SGTB: variants seen among roughly 807,000 people sequenced by gnomAD.
SGTB encodes small glutamine rich tetratricopeptide repeat co-chaperone beta.
SGTB carries 19 observed loss-of-function variants against 43.9 expected under a neutral mutation model. That is an observed-to-expected ratio of 0.43 (90% CI 0.30 to 0.63). The LOEUF (loss-of-function observed/expected upper bound fraction) is 0.63. Among genes scored for constraint, SGTB ranks in the 30% least tolerant of loss-of-function variants. The pLI, the probability that SGTB is intolerant of heterozygous loss-of-function variation, is 0.12. For synonymous variants in SGTB, 116 were observed against 117.3 expected (o/e 0.99, Z 0.07); for missense variants, 304 against 358.9 (o/e 0.85, Z 1.24).
chr5:65,720,081 CT>C (rs11312137), intron 2 of SGTB, among the ~76,000 whole-genome samples: 32,852 of 124,816 alleles, frequency 0.26, 3,070 homozygotes, highest in South Asian at 0.34. Context: ...TTTTCTTTTT[CT>C]TTTTTTTTTT....
At position 65,667,787 on chromosome 5, in the gene SGTB, G is replaced by A. The variant is rs1236664226; in HGVS notation, c.*2459C>T. 5 of 152,078 alleles carry A rather than the reference G, an allele frequency of 3.3e-5. No individual in the cohort carries two copies. Among genetic ancestry groups the A allele is most frequent in the African/African-American group, 1.2e-4 (5 of 41,396 alleles). The allele number at this position is 152,078 out of a possible 1,614,324, so 9.4% of individuals were successfully genotyped here. A position where few individuals can be genotyped will look rare whatever the true frequency, so the allele number is the denominator to read the frequency against. On this transcript the variant is annotated 3_prime_UTR_variant, in exon 11 of 11. Coordinates refer to ENST00000381007, the MANE Select transcript of SGTB (RefSeq NM_019072.3). Reference sequence around the variant, plus strand: ...CCTAGGCCTTATTACAGGACCTACTGTATCAGAATTGAACACGTGGCCCTG... The same window carrying A: ...CCTAGGCCTTATTACAGGACCTACTATATCAGAATTGAACACGTGGCCCTG...
chr5:65,680,867 C>T (rs556941430), intron 6 of SGTB, 73 bp from the exon 7 acceptor site: 12 of 1,463,050 alleles, frequency 8.2e-6, no homozygotes, highest in African/African-American at 4.2e-5. Flanking sequence ...CATCGTCAAA[C>T]GTCTGTCTGT....
At chr5:65,722,308 C>T (rs1758323386), upstream of SGTB, 7 of 1,377,746 alleles carry the variant, frequency 5.1e-6, no homozygotes, top group South Asian at 5.3e-5. Flanking sequence ...CCAGGCGCTG[C>T]CGCCCGCCTC....
chr5:65,722,155 G>A, upstream of SGTB: 1 of 226,084 alleles, frequency 4.4e-6, no homozygotes, highest in Non-Finnish European at 8.5e-6. Flanking sequence ...GGGCTGGGGC[G>A]GGGCCAGACA....
intron 1 of SGTB, 65 bp downstream of exon 1, chr5:65,721,852 G>C (rs553632149): frequency 6.6e-6 from 1 of 152,334 alleles, no homozygotes; most frequent in African/African-American, 2.4e-5. Flanking sequence ...TGTGCAGCGG[G>C]TGCCGGTGCG....
Position 65,666,584 on chromosome 5 carries a change from A to AT in SGTB, c.*3661dup, listed in dbSNP as rs1412913305. ...AGACAAGCAAGAAAATATATGGGGC[A>AT]TTTTTTATAAATTTAAAAGTAGCTA... On this transcript the variant is annotated 3_prime_UTR_variant, in exon 11 of 11. Transcript: ENST00000381007. 1 of 152,180 alleles carries AT rather than the reference A, an allele frequency of 6.6e-6. No homozygotes were observed. Among genetic ancestry groups the AT allele is most frequent in the South Asian group, 2.1e-4 (1 of 4,836 alleles). The allele number at this position is 152,180 out of a possible 1,614,324, so 9.4% of individuals were successfully genotyped here. A position where few individuals can be genotyped will look rare whatever the true frequency, so the allele number is the denominator to read the frequency against.
At chr5:65,707,521 G>A (rs1053576433) in intron 4 of SGTB, among the ~76,000 whole-genome samples, 3 of 149,094 alleles carry the variant, frequency 2.0e-5, no homozygotes, top group African/African-American at 7.4e-5. Context: ...TGCAACCTCC[G>A]CCTGCCGGGT....
chr5:65,693,817 G>A (rs558830085), intron 5 of SGTB, among the ~76,000 whole-genome samples: 98 of 152,250 alleles, frequency 6.4e-4, no homozygotes, highest in African/African-American at 2.3e-3. Flanking sequence ...TGCAAAAATG[G>A]AAGTATAAAA....
chr5:65,714,422 TA>T (rs1463938272), intron 2 of SGTB, among the ~76,000 whole-genome samples: 8 of 152,236 alleles, frequency 5.3e-5, no homozygotes, highest in African/African-American at 1.9e-4. Flanking sequence ...TAAATGCTGA[TA>T]GGGGCCTTGT....
intron 5 of SGTB, among the ~76,000 whole-genome samples, chr5:65,692,047 T>A (rs1757624559): frequency 6.6e-6 from 1 of 151,978 alleles, no homozygotes; most frequent in African/African-American, 2.4e-5. Flanking sequence ...TTAAGGTAAC[T>A]GATTATAACA....
At chr5:65,700,682 C>CAA (rs376335799) in intron 5 of SGTB, among the ~76,000 whole-genome samples, 52 of 80,792 alleles carry the variant, frequency 6.4e-4, no homozygotes, top group African/African-American at 2.3e-3. Flanking sequence ...CTCTGTCTCC[C>CAA]AAAAAAAAAA....
intron 5 of SGTB, among the ~76,000 whole-genome samples, chr5:65,692,816 G>A (rs2150712451): frequency 6.6e-6 from 1 of 152,168 alleles, no homozygotes; most frequent in Non-Finnish European, 1.5e-5. Flanking sequence ...CCCTATTCTT[G>A]GGAGATATAG....
chr5:65,670,826 T>G, intron 10 of SGTB, among the ~76,000 whole-genome samples: 1 of 152,208 alleles, frequency 6.6e-6, no homozygotes, highest in East Asian at 1.9e-4. Flanking sequence ...TAGATGTCAT[T>G]ATATGCCATT....
At chr5:65,699,437 G>A (rs549558039) in intron 5 of SGTB, among the ~76,000 whole-genome samples, 1 of 152,288 alleles carries the variant, frequency 6.6e-6, no homozygotes, top group Non-Finnish European at 1.5e-5. Context: ...TGGGTACAAT[G>A]TACACTACTC....
At chr5:65,707,395 T>TACAC (rs35011866) in intron 4 of SGTB, among the ~76,000 whole-genome samples, 23,187 of 133,404 alleles carry the variant, frequency 0.17, 2,078 homozygotes, top group African/African-American at 0.21. Context: ...GCTGATTTTA[T>TACAC]ACACACACAC....
intron 8 of SGTB, among the ~76,000 whole-genome samples, chr5:65,679,823 G>A (rs570106676): frequency 9.7e-4 from 148 of 152,200 alleles, no homozygotes; most frequent in African/African-American, 3.3e-3. Context: ...GTATATACCC[G>A]AAGGAATAGA....
intron 2 of SGTB, among the ~76,000 whole-genome samples, chr5:65,714,222 T>A (rs542568012): frequency 6.6e-6 from 1 of 152,286 alleles, no homozygotes; most frequent in African/African-American, 2.4e-5. Flanking sequence ...GGTGTACTTA[T>A]GTGAAGATAG....
intron 3 of SGTB, among the ~76,000 whole-genome samples, chr5:65,711,036 G>A (rs926949693): frequency 2.0e-5 from 3 of 150,792 alleles, no homozygotes; most frequent in Admixed American, 6.6e-5. Flanking sequence ...GTGGTGGCAC[G>A]TGCCTGGAGT....
chr5:65,675,405 C>G (rs988773804), intron 8 of SGTB, among the ~76,000 whole-genome samples: 1 of 152,186 alleles, frequency 6.6e-6, no homozygotes, highest in Non-Finnish European at 1.5e-5. Context: ...TTTAACCTTT[C>G]ATATATTGGC....
Sources: gnomAD v4.1 joint callset for allele counts (sites outside exome capture counted in the v4.1 genomes callset) on GRCh38, gnomAD v4.1.1 for gene constraint, MANE v1.5 for transcripts, NCBI Gene and HGNC (gene_info 2026-07-23, HGNC 2026-07-21) for gene names.